The following NAV3 variants were observed in gnomAD, a reference collection of about 807,000 sequenced individuals.
The protein encoded by NAV3 is neuron navigator 3.
Under a neutral mutation model 244.7 loss-of-function variants are expected in NAV3, and 87 were observed. That is an observed-to-expected ratio of 0.36 (90% CI 0.30 to 0.42). The LOEUF is 0.42. NAV3 is among the 20% of genes least tolerant of loss of function. NAV3 has a pLI of 1.00. For missense variants in NAV3, 2,663 were observed against 2,893.3 expected, an observed-to-expected ratio of 0.92 and a Z score of 1.83; for synonymous variants, 1,126 against 1,042.2, an observed-to-expected ratio of 1.08 and a Z score of -1.55.
chr12:77,984,275 G>A lies in NAV3; in HGVS notation c.672-10528G>A, dbSNP rs149931526. ...TTAAACTGAGAGACCAAGAGCCACA[G>A]TTAAAAGCTCAGCCATTGTCCTGAA... On this transcript the variant is annotated intron_variant, in intron 5 of 39. Coordinates refer to ENST00000397909, the MANE Select transcript of NAV3 (RefSeq NM_001024383.2). Among the ~76,000 whole-genome samples the A allele has an allele frequency of 1.0e-3, 153 of 152,284 alleles. 4 individuals carry two copies. The South Asian group carries it at 0.029, about 29-fold the overall frequency.
chr12:77,604,527 A>G (rs1366742476), intron 2 of NAV3, among the ~76,000 whole-genome samples: 1 of 151,720 alleles, frequency 6.6e-6, no homozygotes, highest in African/African-American at 2.4e-5. Flanking sequence ...AGTAATTATT[A>G]TTTTCCTGCT....
At chr12:77,811,862 C>T (rs1872303199) in intron 2 of NAV3, among the ~76,000 whole-genome samples, 1 of 152,166 alleles carries the variant, frequency 6.6e-6, no homozygotes. Flanking sequence ...AATTCAGTGA[C>T]ATTAATACAT....
intron 30 of NAV3, among the ~76,000 whole-genome samples, 179 bp downstream of exon 30, chr12:78,181,224 C>G (rs879322971): frequency 4.6e-5 from 7 of 152,066 alleles, no homozygotes; most frequent in Non-Finnish European, 1.0e-4. Flanking sequence ...AGCACATTCT[C>G]TGTCCAAAAG....
chr12:77,998,968 A>C (rs1872792032), intron 7 of NAV3, among the ~76,000 whole-genome samples: 1 of 152,220 alleles, frequency 6.6e-6, no homozygotes, highest in Non-Finnish European at 1.5e-5. Context: ...TCCCCAAAAG[A>C]CAAATTATTC....
intron 12 of NAV3, among the ~76,000 whole-genome samples, chr12:78,069,599 G>A (rs1359507700): frequency 6.6e-6 from 1 of 151,806 alleles, no homozygotes; most frequent in African/African-American, 2.4e-5. Flanking sequence ...CTTCTGTTAT[G>A]TGGAATAAAT....
chr12:77,713,075 C>T (rs891836890), intron 2 of NAV3, among the ~76,000 whole-genome samples: 3 of 152,172 alleles, frequency 2.0e-5, no homozygotes, highest in African/African-American at 7.2e-5. Context: ...CAGTTTCTAC[C>T]AACCGAGAGA....
At chr12:77,901,053 C>T (rs565309952) in intron 1 of NAV3, among the ~76,000 whole-genome samples, 6 of 152,236 alleles carry the variant, frequency 3.9e-5, no homozygotes, top group African/African-American at 1.2e-4. Context: ...TGTTCATGTC[C>T]TTTGCCAACT....
At chr12:77,797,763 C>T (rs546530346) in intron 2 of NAV3, among the ~76,000 whole-genome samples, 1 of 151,438 alleles carries the variant, frequency 6.6e-6, no homozygotes, top group South Asian at 2.1e-4. Flanking sequence ...ATTGCTTGAA[C>T]GTGAGGCAGA....
chr12:77,929,609 T>C (rs1888572613), intron 1 of NAV3, among the ~76,000 whole-genome samples: 1 of 151,952 alleles, frequency 6.6e-6, no homozygotes, highest in African/African-American at 2.4e-5. Flanking sequence ...CTCAGACTCT[T>C]TTTATAACCT....
rs549328605 is a variant in NAV3 at position 78,178,137 on chromosome 12, G to A, written c.5363+452G>A. ...TTCTGATAATAGTTATATTAATGTG[G>A]TCTCTATCTTCCTCAAAATAGTGTT... On this transcript the variant is annotated intron_variant, in intron 28 of 39. Coordinates refer to ENST00000397909, the MANE Select transcript of NAV3 (RefSeq NM_001024383.2). 3.3e-5 allele frequency among the ~76,000 whole-genome samples: 5 copies of A among 149,788 alleles called. No individual in the cohort carries two copies. The East Asian group carries it at 9.9e-4, about 30-fold the overall frequency.
At chr12:77,737,132 TA>T (rs63574061) in intron 2 of NAV3, among the ~76,000 whole-genome samples, 13,819 of 148,020 alleles carry the variant, frequency 0.093, 1,451 homozygotes, top group African/African-American at 0.26. Flanking sequence ...GGGAAACATT[TA>T]AAAAAAAAAT....
At chr12:77,901,131 T>G (rs117540133) in intron 1 of NAV3, among the ~76,000 whole-genome samples, 2 of 152,218 alleles carry the variant, frequency 1.3e-5, no homozygotes, top group African/African-American at 4.8e-5. Context: ...TAGGCCTTTG[T>G]TGGATGCACA....
intron 1 of NAV3, among the ~76,000 whole-genome samples, chr12:77,920,020 G>A (rs988139241): frequency 6.6e-6 from 1 of 151,920 alleles, no homozygotes. Context: ...ACTAATTGAA[G>A]CAATATTTAT....
At position 78,199,446 on chromosome 12, in the gene NAV3, A is replaced by G. The variant is rs542259152; in HGVS notation, c.6630A>G (p.Leu2210=). The G allele has an allele frequency of 5.9e-5, 95 of 1,610,108 alleles. 2 individuals carry two copies. In the South Asian group the frequency reaches 6.5e-4, roughly 11 times the overall value. The change falls in exon 37 of 40, where the codon CTA becomes CTG. Residue 2210 remains leucine, a synonymous_variant. Transcript: ENST00000397909. ...EIERNIRNND[L]VKIIDWIPKT... is the part of the protein sequence containing the mutation. ...AAAGGAACATTCGCAATAATGACCT[A>G]GTCAAAATTATAGATTGGATTCCGA...
Position 78,188,792 on chromosome 12 carries a change from GA to G in NAV3, c.6055+19del. On this transcript the variant is annotated intron_variant, in intron 33 of 39. Transcript: ENST00000397909. The stretch of plus-strand genomic sequence containing the variant: ...GAACCTCAAAGGTAAAAGCAATAAT[GA>G]AAAGCAAGGCAGAAATATAATTTTT... 6.2e-7 allele frequency: 1 copy of G among 1,605,676 alleles called. No individual in the cohort carries two copies. Among genetic ancestry groups the G allele is most frequent in the Non-Finnish European group, 8.5e-7 (1 of 1,175,332 alleles).
chr12:78,020,109 G>T (rs754553228), intron 8 of NAV3, among the ~76,000 whole-genome samples: 1 of 152,068 alleles, frequency 6.6e-6, no homozygotes, highest in Non-Finnish European at 1.5e-5. Flanking sequence ...CTGAACTCCC[G>T]CTTCTGCTCT....
intron 1 of NAV3, among the ~76,000 whole-genome samples, chr12:77,889,830 A>G (rs1055218514): frequency 7.9e-5 from 12 of 152,224 alleles, no homozygotes; most frequent in Admixed American, 3.3e-4. Flanking sequence ...ATAAGAAAAT[A>G]TGTCCAATGG....
chr12:78,050,781 T>C lies in NAV3; in HGVS notation c.2150T>C (p.Phe717Ser). 1 of 1,600,568 alleles carries C rather than the reference T, an allele frequency of 6.2e-7. No homozygotes were observed. Among genetic ancestry groups the C allele is most frequent in the Non-Finnish European group, 8.5e-7 (1 of 1,170,096 alleles). ...TTTGACAGCACCCTGGAGACAACAT[T>C]TGACAGCACTGTGACAACAGAAGTT... Reference protein sequence around the residue: ...QISHSTLETTFDSTVTTEVNG... With the variant: ...QISHSTLETTSDSTVTTEVNG... The change falls in exon 11 of 40, where the codon TTT becomes TCT. Residue 717 changes from phenylalanine to serine, a missense_variant. This residue lies in a region of NAV3 where 1,521 missense variants were observed against 1,497.0 expected (regional missense o/e 1.02). Coordinates refer to ENST00000397909, the MANE Select transcript of NAV3 (RefSeq NM_001024383.2).
At chr12:77,732,478 A>G (rs1482393282) in intron 2 of NAV3, among the ~76,000 whole-genome samples, 2 of 152,042 alleles carry the variant, frequency 1.3e-5, no homozygotes, top group Admixed American at 6.6e-5. Context: ...TTTTTTTGTG[A>G]AACACTCCCA....
Sources: gnomAD v4.1 joint callset for allele counts (sites outside exome capture counted in the v4.1 genomes callset) on GRCh38, gnomAD v4.1.1 for gene constraint, gnomAD v4.1.1 regional missense constraint, MANE v1.5 for transcripts, NCBI Gene and HGNC (gene_info 2026-07-23, HGNC 2026-07-21) for gene names.